SEMA5A: variants seen among roughly 807,000 people sequenced by gnomAD.
SEMA5A encodes the protein semaphorin 5A.
Under a neutral mutation model 135.5 loss-of-function variants are expected in SEMA5A, and 55 were observed. The ratio of observed to expected loss-of-function variants is 0.41; its 90% CI spans 0.33 to 0.51. The LOEUF is 0.51. SEMA5A is among the 20% of genes least tolerant of loss of function. SEMA5A has a pLI of 0.37. For synonymous variants in SEMA5A, 580 were observed against 546.5 expected (o/e 1.06, Z -0.85); for missense variants, 1,290 against 1,419.9 (o/e 0.91, Z 1.47).
intron 2 of SEMA5A, among the ~76,000 whole-genome samples, chr5:9,410,696 C>A (rs1391335550): frequency 3.3e-5 from 5 of 151,992 alleles, no homozygotes; most frequent in African/African-American, 1.2e-4. Flanking sequence ...GCATCACACA[C>A]CTGGGCCTTT....
rs73740393 is a variant in SEMA5A at position 9,197,788 on chromosome 5, T to G, written c.933-485A>C. On this transcript the variant is annotated intron_variant, in intron 9 of 22. Transcript: ENST00000382496. ...TGTGTGTGTGTGTGTGTGTGTGTTT[T>G]AACCCAGATATTTGTTTTATTTGTC... Among the ~76,000 whole-genome samples, 113 of 57,134 alleles carry G rather than the reference T, an allele frequency of 2.0e-3. 4 individuals carry two copies. The highest frequency in any genetic ancestry group is 7.6e-3 in the African/African-American group (95 of 12,468). 37.5% of individuals were successfully genotyped at this position (57,134 alleles called of 152,430 possible).
At chr5:9,225,591 G>T (rs937701475) in intron 7 of SEMA5A, among the ~76,000 whole-genome samples, 2 of 146,796 alleles carry the variant, frequency 1.4e-5, no homozygotes, top group Non-Finnish European at 1.5e-5. Flanking sequence ...AAAAAATTAT[G>T]TATAATTCTA....
intron 16 of SEMA5A, among the ~76,000 whole-genome samples, chr5:9,087,976 A>G (rs959452436): frequency 6.6e-6 from 1 of 152,180 alleles, no homozygotes; most frequent in Non-Finnish European, 1.5e-5. Flanking sequence ...TTTCATAAAA[A>G]CACCTGCTCT....
chr5:9,163,126 A>G (rs1265967775), intron 11 of SEMA5A, among the ~76,000 whole-genome samples: 1 of 152,188 alleles, frequency 6.6e-6, no homozygotes, highest in Non-Finnish European at 1.5e-5. Context: ...CTGACTACAC[A>G]GAAAACTAGT....
chr5:9,143,161 A>G (rs1742157292), intron 12 of SEMA5A, among the ~76,000 whole-genome samples: 1 of 152,222 alleles, frequency 6.6e-6, no homozygotes, highest in Admixed American at 6.5e-5. Context: ...GCTAGACAGT[A>G]TATAAAAAAG....
chr5:9,253,258 A>G (rs1170022745), intron 5 of SEMA5A, among the ~76,000 whole-genome samples: 1 of 152,032 alleles, frequency 6.6e-6, no homozygotes, highest in Non-Finnish European at 1.5e-5. Context: ...TAAGAAAACT[A>G]TTTTTTCTTC....
At chr5:9,154,068 T>TATAC (rs1355576422) in intron 12 of SEMA5A, among the ~76,000 whole-genome samples, 3 of 39,136 alleles carry the variant, frequency 7.7e-5, no homozygotes, top group African/African-American at 1.7e-4. Context: ...AAAAAATATA[T>TATAC]ATATATATAT....
intron 5 of SEMA5A, chr5:9,280,796 T>A: frequency 2.3e-6 from 1 of 432,586 alleles, no homozygotes; most frequent in South Asian, 1.7e-5. Context: ...CACCCAATTG[T>A]CTTCCTCAGA....
chr5:9,353,070 A>AAAGG (rs1754204503), intron 3 of SEMA5A, among the ~76,000 whole-genome samples: 3 of 18,150 alleles, frequency 1.7e-4, no homozygotes, highest in African/African-American at 9.1e-4. Flanking sequence ...GAAGGAAAGG[A>AAAGG]AAGGAAAGGA....
At chr5:9,183,242 A>T in intron 11 of SEMA5A, among the ~76,000 whole-genome samples, 1 of 152,142 alleles carries the variant, frequency 6.6e-6, no homozygotes, top group East Asian at 1.9e-4. Context: ...GCTTGGCTAC[A>T]TGAGAAGCCT....
intron 11 of SEMA5A, among the ~76,000 whole-genome samples, chr5:9,182,189 GTGTC>G (rs1165613070): frequency 4.8e-5 from 7 of 147,274 alleles, no homozygotes; most frequent in East Asian, 2.0e-4. Flanking sequence ...TGAGGACAGG[GTGTC>G]TGTCTGTCTT....
intron 2 of SEMA5A, among the ~76,000 whole-genome samples, chr5:9,413,071 T>C (rs1384974694): frequency 6.6e-6 from 1 of 152,174 alleles, no homozygotes; most frequent in Non-Finnish European, 1.5e-5. Context: ...TCCTTACTCC[T>C]AGCTATGGGT....
Position 9,360,307 on chromosome 5 carries a change from T to C in SEMA5A, c.124+19516A>G, listed in dbSNP as rs528792295. ...CACTGATGGAATACAGCAGTCAGGGTCTTAAGAAATTGGATAGATTAAATA... is the reference window on the plus strand; with the variant it reads ...CACTGATGGAATACAGCAGTCAGGGCCTTAAGAAATTGGATAGATTAAATA... On this transcript the variant is annotated intron_variant, in intron 3 of 22. Coordinates refer to ENST00000382496, the MANE Select transcript of SEMA5A (RefSeq NM_003966.3). Among the ~76,000 whole-genome samples the C allele has an allele frequency of 1.3e-4, 20 of 152,290 alleles. No homozygotes were observed. The South Asian group carries it at 3.9e-3, about 30-fold the overall frequency.
intron 5 of SEMA5A, among the ~76,000 whole-genome samples, chr5:9,248,149 C>T (rs1417153861): frequency 6.6e-6 from 1 of 151,980 alleles, no homozygotes; most frequent in Admixed American, 6.6e-5. Context: ...GATAAGAGCT[C>T]CATCTAAGAA....
intron 1 of SEMA5A, chr5:9,512,049 T>A (rs1736231610): frequency 6.6e-6 from 1 of 152,178 alleles, no homozygotes; most frequent in Admixed American, 6.5e-5. Flanking sequence ...AGTTTGGGGA[T>A]GAATGAAGGC....
chr5:9,221,519 G>C (rs56190011), intron 8 of SEMA5A, among the ~76,000 whole-genome samples: 83 of 151,948 alleles, frequency 5.5e-4, no homozygotes, highest in East Asian at 5.1e-3. Context: ...AGCCAGGATG[G>C]TCTCGATCTC....
At chr5:9,446,308 G>A (rs1401613711) in intron 1 of SEMA5A, among the ~76,000 whole-genome samples, 1 of 152,208 alleles carries the variant, frequency 6.6e-6, no homozygotes, top group East Asian at 1.9e-4. Context: ...AAAGAGGCAT[G>A]GGGCTGAGGG....
At chr5:9,538,275 G>C (rs990234538) in intron 1 of SEMA5A, among the ~76,000 whole-genome samples, 40 of 152,086 alleles carry the variant, frequency 2.6e-4, no homozygotes, top group Non-Finnish European at 4.7e-4. Flanking sequence ...GAGCGGGGCG[G>C]GGGGAGGTGC....
chr5:9,306,313 CT>C (rs146553589), intron 5 of SEMA5A, among the ~76,000 whole-genome samples: 3,204 of 152,220 alleles, frequency 0.021, 128 homozygotes, highest in African/African-American at 0.073. Flanking sequence ...GTCTAATACT[CT>C]TTTATCTACC....
Sources: allele counts gnomAD v4.1 joint callset (sites outside exome capture counted in the v4.1 genomes callset), GRCh38; gene constraint gnomAD v4.1.1; transcripts MANE v1.5; gene names NCBI Gene and HGNC (gene_info 2026-07-23, HGNC 2026-07-21).